ASAP2: variants seen among roughly 807,000 people sequenced by gnomAD.
ASAP2 encodes the protein arf-GAP with SH3 domain, ANK repeat and PH domain-containing protein 2.
ASAP2 carries 45 observed loss-of-function variants against 131.4 expected under a neutral mutation model. The observed-to-expected ratio is 0.34, with a 90% CI of 0.27 to 0.44. ASAP2 has a LOEUF of 0.44. Ranked by LOEUF, ASAP2 falls within the 20% of genes least tolerant of loss-of-function variation. ASAP2 has a pLI of 1.00. For synonymous variants in ASAP2, 510 were observed against 503.0 expected, an observed-to-expected ratio of 1.01 and a Z score of -0.19; for missense variants, 1,011 against 1,297.0, an observed-to-expected ratio of 0.78 and a Z score of 3.39.
At position 9,376,947 on chromosome 2, in the gene ASAP2, G is replaced by T; in HGVS notation, c.1786G>T (p.Val596Leu). The change falls in exon 18 of 28, where the codon GTG (valine) becomes TTG (leucine). Residue 596 changes from valine to leucine, a missense_variant. By Grantham distance (32) the Val-to-Leu change is conservative. This residue lies in a region of ASAP2 where 652 missense variants were observed against 698.9 expected (regional missense o/e 0.93). Transcript: ENST00000281419. The stretch of plus-strand genomic sequence containing the variant: ...GGCCCTCCACCTTGCAGTCAGATCC[G>T]TGGATCGAACCTCTCTTCACATTGT... ...ETALHLAVRSVDRTSLHIVDF... is the reference protein window; with the variant it reads ...ETALHLAVRSLDRTSLHIVDF... The T allele has an allele frequency of 6.2e-7, 1 of 1,614,120 alleles. No homozygotes were observed.
At chr2:9,252,475 AC>A (rs886960831) in intron 1 of ASAP2, among the ~76,000 whole-genome samples, 4 of 152,028 alleles carry the variant, frequency 2.6e-5, no homozygotes, top group Non-Finnish European at 5.9e-5. Context: ...TCAGGAGGCT[AC>A]GGCAGGAGAA....
chr2:9,373,390 G>T (rs1232319176), intron 16 of ASAP2, among the ~76,000 whole-genome samples: 1 of 152,246 alleles, frequency 6.6e-6, no homozygotes, highest in Non-Finnish European at 1.5e-5. Flanking sequence ...AGGACAAGCA[G>T]ATTTGAGGCC....
chr2:9,271,219 G>A, intron 1 of ASAP2: 1 of 650,424 alleles, frequency 1.5e-6, no homozygotes, highest in South Asian at 2.0e-5. Flanking sequence ...TTGTGACAAG[G>A]GACAGAAGGG....
chr2:9,377,608 A>T (rs542653891), intron 18 of ASAP2, among the ~76,000 whole-genome samples: 60 of 152,286 alleles, frequency 3.9e-4, no homozygotes, highest in African/African-American at 1.3e-3. Flanking sequence ...AAGACCCCTC[A>T]ACGTGTATTT....
intron 1 of ASAP2, among the ~76,000 whole-genome samples, chr2:9,252,472 G>A (rs1257276582): frequency 6.6e-6 from 1 of 152,102 alleles, no homozygotes; most frequent in African/African-American, 2.4e-5. Flanking sequence ...TACTCAGGAG[G>A]CTACGGCAGG....
intron 9 of ASAP2, among the ~76,000 whole-genome samples, chr2:9,338,016 C>T (rs2148577314): frequency 6.6e-6 from 1 of 152,310 alleles, no homozygotes. Flanking sequence ...TGGCACTGCT[C>T]ATCTTTGGTT....
At chr2:9,393,740 C>G (rs1675905680) in intron 24 of ASAP2, 93 bp downstream of exon 24, 1 of 1,338,372 alleles carries the variant, frequency 7.5e-7, no homozygotes, top group African/African-American at 1.5e-5. Context: ...ATCCCCAGGG[C>G]TCCTACTCCA....
intron 2 of ASAP2, among the ~76,000 whole-genome samples, chr2:9,294,083 C>G (rs937432167): frequency 4.6e-5 from 7 of 151,486 alleles, no homozygotes; most frequent in African/African-American, 1.7e-4. Flanking sequence ...ACTGCAACCT[C>G]CGCTTTCTAG....
rs1416954709 is a variant in ASAP2 at position 9,404,947 on chromosome 2, T to TTTAA, written c.*1623_*1626dup. ...TGTTAATTTCTGTTTGAACCCTTCATTTAATTTTCTCATAGATTTAAGTAA... is the reference window on the plus strand; with the variant it reads ...TGTTAATTTCTGTTTGAACCCTTCATTTAATTAATTTTCTCATAGATTTAAGTAA... On this transcript the variant is annotated 3_prime_UTR_variant, in exon 28 of 28. Coordinates refer to ENST00000281419, the MANE Select transcript of ASAP2 (RefSeq NM_003887.3). 1.3e-5 allele frequency: 2 copies of TTTAA among 152,608 alleles called. No individual in the cohort carries two copies. The highest frequency in any genetic ancestry group is 6.5e-5 in the Admixed American group (1 of 15,274). The allele number at this position is 152,608 out of a possible 1,614,324, so 9.5% of individuals were successfully genotyped here.
intron 26 of ASAP2, among the ~76,000 whole-genome samples, chr2:9,401,047 C>T (rs1295293433): frequency 6.6e-6 from 1 of 152,086 alleles, no homozygotes; most frequent in Non-Finnish European, 1.5e-5. Flanking sequence ...CTGCCCCGGC[C>T]GCTTCGTTTC....
intron 1 of ASAP2, among the ~76,000 whole-genome samples, chr2:9,222,086 C>T (rs1485264447): frequency 1.3e-5 from 2 of 152,220 alleles, no homozygotes; most frequent in Non-Finnish European, 1.5e-5. Context: ...CCGCGCTGGC[C>T]TATTGCTTTT....
At chr2:9,236,273 G>A (rs960855329) in intron 1 of ASAP2, among the ~76,000 whole-genome samples, 2 of 152,128 alleles carry the variant, frequency 1.3e-5, no homozygotes, top group African/African-American at 4.8e-5. Context: ...GAGGCTTGTA[G>A]GTAATCAAGT....
intron 18 of ASAP2, 37 bp from the exon 19 acceptor site, chr2:9,378,907 C>T: frequency 1.5e-6 from 2 of 1,358,056 alleles, no homozygotes; most frequent in African/African-American, 3.0e-5. Context: ...CAGCCTGTGA[C>T]ACACTATGCT....
intron 12 of ASAP2, among the ~76,000 whole-genome samples, chr2:9,353,627 A>G (rs1293600130): frequency 6.6e-6 from 1 of 151,370 alleles, no homozygotes; most frequent in Non-Finnish European, 1.5e-5. Context: ...TGAGGGTGAT[A>G]TTTTCTGTGT....
At chr2:9,261,467 T>C (rs965704963) in intron 1 of ASAP2, among the ~76,000 whole-genome samples, 1 of 152,210 alleles carries the variant, frequency 6.6e-6, no homozygotes, top group African/African-American at 2.4e-5. Context: ...GTAAAGATAA[T>C]GGAAGTAAAA....
chr2:9,233,405 T>G (rs185886087), intron 1 of ASAP2, among the ~76,000 whole-genome samples: 28 of 152,392 alleles, frequency 1.8e-4, no homozygotes, highest in African/African-American at 6.2e-4. Context: ...GGTAGTTCTT[T>G]AGTGTTTTAT....
chr2:9,320,726 T>A (rs1283762687), intron 5 of ASAP2, among the ~76,000 whole-genome samples: 1 of 152,250 alleles, frequency 6.6e-6, no homozygotes, highest in East Asian at 1.9e-4. Context: ...TTGTGAAAGC[T>A]GCTTAGCTTT....
rs148645957 is a variant in ASAP2 at position 9,311,792 on chromosome 2, C to T, written c.346-6732C>T. Among the ~76,000 whole-genome samples, 881 of 152,290 alleles carry T rather than the reference C, an allele frequency of 5.8e-3. 8 individuals are homozygous for T. Among genetic ancestry groups the T allele is most frequent in the Non-Finnish European group, 9.5e-3 (644 of 68,030 alleles). On this transcript the variant is annotated intron_variant, in intron 3 of 27. Transcript: ENST00000281419. This position sits in a 1 kb window ranked among gnomAD's most constrained non-coding sequence, Gnocchi z 5.2. ...TGCAGGGCACACCTGCCGAGAAGCGCGTCTGGCCCCCACGCACTTGTTCTC... is the reference window on the plus strand; with the variant it reads ...TGCAGGGCACACCTGCCGAGAAGCGTGTCTGGCCCCCACGCACTTGTTCTC...
At chr2:9,301,050 G>A (rs1304378641) in intron 3 of ASAP2, among the ~76,000 whole-genome samples, 3 of 152,212 alleles carry the variant, frequency 2.0e-5, no homozygotes, top group South Asian at 2.1e-4. Context: ...GGATTATGGC[G>A]GAAGTCTCCT....
Sources: gnomAD v4.1 joint callset for allele counts (sites outside exome capture counted in the v4.1 genomes callset) on GRCh38, gnomAD v4.1.1 for gene constraint, gnomAD v4.1.1 regional missense constraint, Gnocchi (gnomAD v3.1) non-coding constraint, MANE v1.5 for transcripts, NCBI Gene and HGNC (gene_info 2026-07-23, HGNC 2026-07-21) for gene names.